ERC2: variants seen among roughly 807,000 people sequenced by gnomAD.
The protein encoded by ERC2 is ELKS/RAB6-interacting/CAST family member 2, also known as ERC protein 2.
ERC2 carries 42 observed loss-of-function variants against 114.8 expected under a neutral mutation model. The ratio of observed to expected loss-of-function variants is 0.37; its 90% CI spans 0.29 to 0.47. The LOEUF is 0.47. ERC2 is among the 20% of genes least tolerant of loss of function. The pLI is 0.99. For synonymous variants in ERC2, 454 were observed against 425.5 expected (o/e 1.07, Z -0.82); for missense variants, 939 against 1,150.7 (o/e 0.82, Z 2.66).
chr3:56,245,961 AT>A (rs2051670454), intron 3 of ERC2, among the ~76,000 whole-genome samples: 1 of 151,862 alleles, frequency 6.6e-6, no homozygotes, highest in Admixed American at 6.6e-5. Context: ...AATAAAGGGG[AT>A]TTTTCATGGC....
At chr3:56,104,137 C>A (rs2078516243) in intron 6 of ERC2, among the ~76,000 whole-genome samples, 1 of 152,062 alleles carries the variant, frequency 6.6e-6, no homozygotes, top group African/African-American at 2.4e-5. Flanking sequence ...TTACTACAGA[C>A]TGCTATGTCA....
intron 7 of ERC2, among the ~76,000 whole-genome samples, chr3:56,029,407 A>G (rs184138950): frequency 3.5e-4 from 53 of 152,182 alleles, no homozygotes; most frequent in African/African-American, 1.2e-3. Context: ...TAAAATTAGG[A>G]TTAATTCTTT....
intron 10 of ERC2, among the ~76,000 whole-genome samples, chr3:56,003,992 G>A (rs2072278629): frequency 6.6e-6 from 1 of 152,088 alleles, no homozygotes; most frequent in African/African-American, 2.4e-5. Flanking sequence ...TGTAGAAACT[G>A]TTACTTTGCT....
chr3:55,874,172 A>G (rs1374680133), intron 14 of ERC2, among the ~76,000 whole-genome samples: 3 of 152,208 alleles, frequency 2.0e-5, no homozygotes, highest in Non-Finnish European at 4.4e-5. Context: ...AATGCTACCC[A>G]TACCTTGGAG....
At position 55,563,303 on chromosome 3, in the gene ERC2, T is replaced by C. The variant is rs149455260; in HGVS notation, c.*40-52027A>G. On this transcript the variant is annotated intron_variant, in intron 17 of 17. Coordinates refer to ENST00000288221, the MANE Select transcript of ERC2 (RefSeq NM_015576.3). ...TGGGAGAATTTTGCTGAAGAATTGG[T>C]GAGTATGCATCCTGAGTGTCTTTCC... Among the ~76,000 whole-genome samples the C allele has an allele frequency of 6.5e-4, 99 of 151,710 alleles. 2 individuals carry two copies. The East Asian group carries it at 0.018, about 27-fold the overall frequency.
chr3:56,050,914 G>C (rs138661605), intron 7 of ERC2, among the ~76,000 whole-genome samples: 3 of 152,122 alleles, frequency 2.0e-5, no homozygotes, highest in Admixed American at 1.3e-4. Context: ...AGAAATATTA[G>C]GTAGGCAGAA....
intron 2 of ERC2, among the ~76,000 whole-genome samples, chr3:56,345,341 C>A (rs1489837232): frequency 6.6e-6 from 1 of 152,188 alleles, no homozygotes; most frequent in East Asian, 1.9e-4. Flanking sequence ...ACAGGCATAG[C>A]CCTACTCTGA....
chr3:55,908,080 G>T (rs1056801055), intron 13 of ERC2, among the ~76,000 whole-genome samples: 2 of 152,138 alleles, frequency 1.3e-5, no homozygotes, highest in Non-Finnish European at 2.9e-5. Context: ...GGGCGAAGCA[G>T]TTATTGTCAA....
chr3:56,273,717 C>T (rs1394526320), intron 3 of ERC2, among the ~76,000 whole-genome samples: 1 of 152,188 alleles, frequency 6.6e-6, no homozygotes, highest in Non-Finnish European at 1.5e-5. Context: ...AGGGCTGCCA[C>T]TAGCCCATAT....
At chr3:55,906,984 G>A (rs893350342) in intron 13 of ERC2, among the ~76,000 whole-genome samples, 13 of 152,180 alleles carry the variant, frequency 8.5e-5, no homozygotes, top group African/African-American at 3.1e-4. Context: ...TGATAGGGGT[G>A]CTTGCCTCCC....
intron 17 of ERC2, among the ~76,000 whole-genome samples, chr3:55,614,418 C>A (rs1438202996): frequency 6.6e-6 from 1 of 152,096 alleles, no homozygotes; most frequent in Non-Finnish European, 1.5e-5. Flanking sequence ...ACATCCCAGC[C>A]CTCACTACTC....
chr3:55,937,305 C>T (rs2066507413), intron 13 of ERC2, among the ~76,000 whole-genome samples: 1 of 152,238 alleles, frequency 6.6e-6, no homozygotes, highest in Non-Finnish European at 1.5e-5. Flanking sequence ...GCCAAGATCA[C>T]ACTACTGCAC....
intron 7 of ERC2, among the ~76,000 whole-genome samples, chr3:56,056,661 A>T (rs1019381712): frequency 3.3e-5 from 5 of 152,126 alleles, no homozygotes; most frequent in African/African-American, 1.2e-4. Flanking sequence ...TAATAGCTGG[A>T]CGTTACTTAA....
At chr3:56,078,702 C>T (rs2077089483) in intron 7 of ERC2, among the ~76,000 whole-genome samples, 1 of 152,086 alleles carries the variant, frequency 6.6e-6, no homozygotes, top group African/African-American at 2.4e-5. Flanking sequence ...AAGACTTTAA[C>T]TCTGGAGCAA....
chr3:55,913,159 T>G (rs2064907490), intron 13 of ERC2, among the ~76,000 whole-genome samples: 1 of 152,106 alleles, frequency 6.6e-6, no homozygotes, highest in Non-Finnish European at 1.5e-5. Flanking sequence ...CTATTTTTCT[T>G]TTTTTAGAGA....
At chr3:55,980,962 C>T (rs1270571916) in intron 12 of ERC2, among the ~76,000 whole-genome samples, 2 of 152,144 alleles carry the variant, frequency 1.3e-5, no homozygotes, top group Non-Finnish European at 2.9e-5. Context: ...TATAGAGTGC[C>T]AGAACAGCAA....
At chr3:55,811,924 A>G (rs1337479706) in intron 14 of ERC2, among the ~76,000 whole-genome samples, 1 of 152,194 alleles carries the variant, frequency 6.6e-6, no homozygotes, top group Non-Finnish European at 1.5e-5. Context: ...TAAACGTTAC[A>G]TAGGCCATGG....
chr3:55,783,541 C>T (rs2069231531), intron 14 of ERC2, among the ~76,000 whole-genome samples: 1 of 152,164 alleles, frequency 6.6e-6, no homozygotes, highest in Non-Finnish European at 1.5e-5. Context: ...TAAAATATTT[C>T]ACTCTTTACT....
At chr3:56,401,445 T>C (rs1396472523) in intron 2 of ERC2, among the ~76,000 whole-genome samples, 1 of 152,216 alleles carries the variant, frequency 6.6e-6, no homozygotes, top group Non-Finnish European at 1.5e-5. Context: ...ACCCAATCAA[T>C]ATTTATTTCT....
Sources: allele counts gnomAD v4.1 joint callset (sites outside exome capture counted in the v4.1 genomes callset), GRCh38; gene constraint gnomAD v4.1.1; transcripts MANE v1.5; gene names NCBI Gene and HGNC (gene_info 2026-07-23, HGNC 2026-07-21).